Variants in CD9 observed in about 807,000 individuals in gnomAD.
CD9 encodes the protein CD9 antigen.
A neutral mutation model predicts 31.4 loss-of-function variants in CD9; 10 were observed. The observed-to-expected ratio is 0.32, with a 90% CI of 0.20 to 0.54. The LOEUF is 0.54. Ranked by LOEUF, CD9 falls within the 20% of genes least tolerant of loss-of-function variation. The pLI is 0.94. For missense variants in CD9, 259 were observed against 300.1 expected, an observed-to-expected ratio of 0.86 and a Z score of 1.01; for synonymous variants, 113 against 114.1, an observed-to-expected ratio of 0.99 and a Z score of 0.06.
Position 6,237,865 on chromosome 12 carries a change from T to G in CD9, c.*37T>G. The G allele has an allele frequency of 1.9e-5, 27 of 1,437,154 alleles. No individual in the cohort carries two copies. Among genetic ancestry groups the G allele is most frequent in the Non-Finnish European group, 2.6e-5 (27 of 1,022,520 alleles). The allele number at this position is 1,437,154 out of a possible 1,614,324, so 89.0% of individuals were successfully genotyped here. A position where few individuals can be genotyped will look rare whatever the true frequency, so the allele number is the denominator to read the frequency against. On this transcript the variant is annotated 3_prime_UTR_variant, in exon 8 of 8. Transcript: ENST00000009180. Reference sequence around the variant, plus strand: ...ATCCCTGAGCAGGAAAGTTTACCCATGAAGATTGGTGGGATTTTTTGTTTG... The same window carrying G: ...ATCCCTGAGCAGGAAAGTTTACCCAGGAAGATTGGTGGGATTTTTTGTTTG...
intron 1 of CD9, among the ~76,000 whole-genome samples, chr12:6,206,756 TG>T (rs1946136957): frequency 6.6e-6 from 1 of 152,204 alleles, no homozygotes; most frequent in Non-Finnish European, 1.5e-5. Context: ...TACTTAGTTG[TG>T]GATAGTTTTA....
chr12:6,200,583 C>T lies in CD9; in HGVS notation c.66+18C>T, dbSNP rs779052606. The T allele has an allele frequency of 1.3e-6, 2 of 1,571,668 alleles. No individual in the cohort carries two copies. Among genetic ancestry groups the T allele is most frequent in the Non-Finnish European group, 1.8e-6 (2 of 1,142,702 alleles). On this transcript the variant is annotated intron_variant, in intron 1 of 7. Coordinates refer to ENST00000009180, the MANE Select transcript of CD9 (RefSeq NM_001769.4). Reference sequence around the variant, plus strand: ...TCTTCTGGGTGAGTGAGCGCGACTGCCGCGCGCTCCTCTCAGGGCCCACCT... The same window carrying T: ...TCTTCTGGGTGAGTGAGCGCGACTGTCGCGCGCTCCTCTCAGGGCCCACCT...
chr12:6,228,386 T>C (rs1375751388), intron 2 of CD9, among the ~76,000 whole-genome samples: 5 of 151,860 alleles, frequency 3.3e-5, no homozygotes, highest in African/African-American at 4.8e-5. Context: ...ACCCCACTTC[T>C]ACTAAAAATA....
chr12:6,233,247 T>G (rs1334321238), intron 3 of CD9, 165 bp from the exon 4 acceptor site: 2 of 644,604 alleles, frequency 3.1e-6, no homozygotes, highest in East Asian at 5.4e-5. Flanking sequence ...CTTGGTTAAC[T>G]GCCTGTTCTG....
In CD9 at chr12:6,200,645, G is replaced by GCCGGCAGTGCC. The variant is rs975834704; in HGVS notation, c.66+87_66+88insTGCCCCGGCAG. Reference sequence around the variant, plus strand: ...CCGGACACTGGCCGCGGCCGCGAGTGCCGGCAGCTGGCACTGCCCGCACCG... The same window carrying GCCGGCAGTGCC: ...CCGGACACTGGCCGCGGCCGCGAGTGCCGGCAGTGCCCCGGCAGCTGGCACTGCCCGCACCG... On this transcript the variant is annotated intron_variant, in intron 1 of 7. Coordinates refer to ENST00000009180, the MANE Select transcript of CD9 (RefSeq NM_001769.4). 12 of 957,574 alleles carry GCCGGCAGTGCC rather than the reference G, an allele frequency of 1.3e-5. No individual in the cohort carries two copies. In the African/African-American group the frequency reaches 1.3e-4, roughly 11 times the overall value. The allele number at this position is 957,574 out of a possible 1,614,324, so 59.3% of individuals were successfully genotyped here. A position where few individuals can be genotyped will look rare whatever the true frequency, so the allele number is the denominator to read the frequency against.
chr12:6,212,823 G>A (rs1368741775), intron 1 of CD9, among the ~76,000 whole-genome samples: 1 of 152,158 alleles, frequency 6.6e-6, no homozygotes, highest in Non-Finnish European at 1.5e-5. Flanking sequence ...AGCTTGTCAT[G>A]GAATGTTGGG....
intron 4 of CD9, among the ~76,000 whole-genome samples, chr12:6,234,766 C>T (rs1946493710): frequency 2.0e-5 from 3 of 152,226 alleles, no homozygotes; most frequent in Admixed American, 2.0e-4. Flanking sequence ...TTTAAATTCT[C>T]ACAAATAATC....
At chr12:6,200,889 C>T (rs936587372) in intron 1 of CD9, 1 of 268,430 alleles carries the variant, frequency 3.7e-6, no homozygotes, top group Non-Finnish European at 7.0e-6. Flanking sequence ...GTGTCTGCTC[C>T]CAGCTCAAGT....
chr12:6,209,042 T>C (rs1352802586), intron 1 of CD9, among the ~76,000 whole-genome samples: 1 of 151,106 alleles, frequency 6.6e-6, no homozygotes, highest in Non-Finnish European at 1.5e-5. Context: ...AATCTTGGCA[T>C]ACTGCAACCT....
At chr12:6,233,609 C>CT (rs1228550640) in intron 4 of CD9, 123 bp downstream of exon 4, 4 of 737,872 alleles carry the variant, frequency 5.4e-6, no homozygotes, top group Non-Finnish European at 9.5e-6. Context: ...CCTCTTATCT[C>CT]ATCGCGTCCC....
At chr12:6,200,825 G>A (rs1260762610) in intron 1 of CD9, 2 of 418,096 alleles carry the variant, frequency 4.8e-6, no homozygotes, top group Non-Finnish European at 8.5e-6. Flanking sequence ...TTGAGATGAG[G>A]CGTGCGGGAG....
upstream of CD9, chr12:6,200,018 G>A (rs533250709): frequency 1.3e-5 from 2 of 152,332 alleles, no homozygotes; most frequent in African/African-American, 4.8e-5. Flanking sequence ...AAAGCAGAAC[G>A]CCCGGTCCGG....
intron 1 of CD9, among the ~76,000 whole-genome samples, chr12:6,203,362 C>T (rs532766661): frequency 6.6e-6 from 1 of 152,328 alleles, no homozygotes; most frequent in East Asian, 1.9e-4. Flanking sequence ...GTCCGTTTCT[C>T]TCTTGAGACC....
chr12:6,232,569 G>A lies in CD9; in HGVS notation c.176-63G>A, dbSNP rs539678833. 2.2e-5 allele frequency: 22 copies of A among 1,000,570 alleles called. No individual in the cohort carries two copies. The highest frequency in any genetic ancestry group is 5.2e-5 in the East Asian group (2 of 38,510). The allele number at this position is 1,000,570 out of a possible 1,614,324, so 62.0% of individuals were successfully genotyped here. A position where few individuals can be genotyped will look rare whatever the true frequency, so the allele number is the denominator to read the frequency against. On this transcript the variant is annotated intron_variant, in intron 2 of 7. Transcript: ENST00000009180. This position sits in a 1 kb window ranked among gnomAD's most constrained non-coding sequence, Gnocchi z 4.8. The stretch of plus-strand genomic sequence containing the variant: ...TAGGCAGAGGGAAACAGGAATTGCC[G>A]GAGATGCCTGGGCCTCTGAACTGAT...
chr12:6,207,063 G>T (rs1249808990), intron 1 of CD9, among the ~76,000 whole-genome samples: 2 of 151,976 alleles, frequency 1.3e-5, no homozygotes, highest in African/African-American at 4.8e-5. Flanking sequence ...TAATTTTTTT[G>T]TACAGAGAGG....
At chr12:6,235,597 C>A (rs1464170282) in intron 6 of CD9, 32 bp downstream of exon 6, 1 of 1,586,026 alleles carries the variant, frequency 6.3e-7, no homozygotes, top group Non-Finnish European at 8.6e-7. Flanking sequence ...GGTGTCCCTG[C>A]CCCCATTGCT....
intron 6 of CD9, 127 bp from the exon 7 acceptor site, chr12:6,236,065 A>G (rs1946518224): frequency 6.8e-7 from 1 of 1,478,088 alleles, no homozygotes; most frequent in African/African-American, 1.4e-5. Context: ...CTTATCCCCG[A>G]ACACTCCTGT....
chr12:6,235,667 G>T (rs2072371), intron 6 of CD9, 102 bp downstream of exon 6: 2 of 1,461,024 alleles, frequency 1.4e-6, no homozygotes, highest in East Asian at 2.5e-5. Flanking sequence ...AGCAAGACCC[G>T]TTCTGCCTGT....
chr12:6,218,240 G>C (rs1946261414), intron 1 of CD9, among the ~76,000 whole-genome samples: 1 of 143,890 alleles, frequency 6.9e-6, no homozygotes, highest in Non-Finnish European at 1.5e-5. Context: ...AAAAAAAAAA[G>C]TGTATGGCCA....
Sources: gnomAD v4.1 joint callset for allele counts (sites outside exome capture counted in the v4.1 genomes callset) on GRCh38, gnomAD v4.1.1 for gene constraint, Gnocchi (gnomAD v3.1) non-coding constraint, MANE v1.5 for transcripts, NCBI Gene and HGNC (gene_info 2026-07-23, HGNC 2026-07-21) for gene names.